Variants in KCNMB2 observed in about 807,000 individuals in gnomAD.
The protein encoded by KCNMB2 is calcium-activated potassium channel subunit beta-2.
KCNMB2 carries 9 observed loss-of-function variants against 24.5 expected under a neutral mutation model. The ratio of observed to expected loss-of-function variants is 0.37; its 90% CI spans 0.22 to 0.64. The LOEUF (loss-of-function observed/expected upper bound fraction) is 0.64. KCNMB2 is among the 30% of genes least tolerant of loss of function. The pLI is 0.63. For synonymous variants in KCNMB2, 109 were observed against 104.4 expected (o/e 1.04, Z -0.27); for missense variants, 226 against 284.3 (o/e 0.79, Z 1.47).
Position 178,814,962 on chromosome 3 carries a change from C to T in KCNMB2, c.56+7497C>T, listed in dbSNP as rs573606062. 5.9e-5 allele frequency among the ~76,000 whole-genome samples: 9 copies of T among 152,144 alleles called. No homozygotes were observed. In the South Asian group the frequency reaches 1.9e-3, roughly 32 times the overall value. On this transcript the variant is annotated intron_variant, in intron 2 of 4. Coordinates refer to ENST00000452583, the MANE Select transcript of KCNMB2 (RefSeq NM_181361.3). ...AATTATTTATTTTGCTGTGCAGAAG[C>T]TCTTTAGTTTAATTAAGTCCCATTT...
chr3:178,703,044 CTTTAAGT>C (rs1722156535), intron 1 of KCNMB2, among the ~76,000 whole-genome samples: 1 of 151,952 alleles, frequency 6.6e-6, no homozygotes, highest in Non-Finnish European at 1.5e-5. Context: ...GCCTTATTCC[CTTTAAGT>C]TTTAAGATAG....
intron 2 of KCNMB2, among the ~76,000 whole-genome samples, chr3:178,814,206 T>G (rs765636431): frequency 3.9e-5 from 6 of 152,190 alleles, no homozygotes; most frequent in Admixed American, 3.3e-4. Context: ...TATGTCCACA[T>G]GTACCCATTG....
chr3:178,653,822 C>A (rs1323573549), intron 1 of KCNMB2, among the ~76,000 whole-genome samples: 2 of 151,656 alleles, frequency 1.3e-5, no homozygotes, highest in Non-Finnish European at 3.0e-5. Context: ...AACATCTGCA[C>A]CAATAACCAT....
intron 1 of KCNMB2, among the ~76,000 whole-genome samples, chr3:178,611,736 C>T (rs932571569): frequency 6.6e-6 from 1 of 151,526 alleles, no homozygotes; most frequent in African/African-American, 2.4e-5. Context: ...AAACAAAAAC[C>T]CTTTTTATTG....
At chr3:178,548,452 G>A (rs919493314) in intron 1 of KCNMB2, among the ~76,000 whole-genome samples, 8 of 152,160 alleles carry the variant, frequency 5.3e-5, no homozygotes, top group East Asian at 1.9e-4. Context: ...TGATGGCCAG[G>A]TGAATTTCTA....
intron 4 of KCNMB2, chr3:178,841,660 TG>T (rs1454322297): frequency 6.6e-6 from 1 of 152,162 alleles, no homozygotes; most frequent in Admixed American, 6.5e-5. Flanking sequence ...AGAGAAGAAC[TG>T]TCAAACAGTT....
chr3:178,545,400 C>T (rs1346094684), intron 1 of KCNMB2, among the ~76,000 whole-genome samples: 1 of 152,126 alleles, frequency 6.6e-6, no homozygotes, highest in African/African-American at 2.4e-5. Context: ...CACTGGAAAG[C>T]TGGTAAAGGT....
chr3:178,807,444 C>T lies in KCNMB2; in HGVS notation c.35C>T (p.Ser12Phe), dbSNP rs762921625. 3.1e-6 allele frequency: 5 copies of T among 1,613,768 alleles called. No individual in the cohort carries two copies. In the East Asian group the frequency reaches 1.1e-4, roughly 36 times the overall value. ...TGGACCAGTGGCCGGACCTCTTCAT[C>T]TTATAGACATGATGAAAAAAGGTAA... ...FIWTSGRTSS[S>F]YRHDEKRNIY... is the part of the protein sequence containing the mutation. Residue 12 changes from serine (S) to phenylalanine (F), a missense_variant, in exon 2 of 5, where the codon TCT becomes TTT. Physicochemically the swap from Ser to Phe is radical, Grantham distance 155 (BLOSUM62 -2). Transcript: ENST00000452583.
intron 1 of KCNMB2, among the ~76,000 whole-genome samples, chr3:178,709,800 T>C (rs907841061): frequency 1.3e-5 from 2 of 152,188 alleles, no homozygotes; most frequent in Non-Finnish European, 1.5e-5. Flanking sequence ...CCAGATTTTA[T>C]TTGTACTGCT....
intron 1 of KCNMB2, among the ~76,000 whole-genome samples, chr3:178,574,632 G>A (rs1477947908): frequency 6.6e-6 from 1 of 152,174 alleles, no homozygotes; most frequent in Non-Finnish European, 1.5e-5. Context: ...CCCTTGAGTC[G>A]AGTGCCCAGC....
chr3:178,686,735 T>A (rs566407028), intron 1 of KCNMB2, among the ~76,000 whole-genome samples: 101 of 152,312 alleles, frequency 6.6e-4, no homozygotes, highest in African/African-American at 2.4e-3. Flanking sequence ...TTACTTCATT[T>A]ACAATTTAAA....
intron 1 of KCNMB2, among the ~76,000 whole-genome samples, chr3:178,739,267 T>C (rs576073997): frequency 2.0e-5 from 3 of 152,188 alleles, no homozygotes; most frequent in Admixed American, 2.0e-4. Flanking sequence ...ACAAAAACAC[T>C]TACCTGCCCG....
At chr3:178,787,213 T>A (rs1408510747) in intron 1 of KCNMB2, among the ~76,000 whole-genome samples, 2 of 152,222 alleles carry the variant, frequency 1.3e-5, no homozygotes, top group Admixed American at 6.5e-5. Flanking sequence ...TCAAATCTAA[T>A]ATATATGTAA....
At chr3:178,587,851 TA>T (rs1354327884) in intron 1 of KCNMB2, among the ~76,000 whole-genome samples, 6 of 151,578 alleles carry the variant, frequency 4.0e-5, no homozygotes, top group Non-Finnish European at 5.9e-5. Context: ...ACTCATCATT[TA>T]ACATTAGGTA....
At chr3:178,611,564 A>G (rs1718484634) in intron 1 of KCNMB2, among the ~76,000 whole-genome samples, 1 of 151,916 alleles carries the variant, frequency 6.6e-6, no homozygotes, top group African/African-American at 2.4e-5. Context: ...TATTAGCTGG[A>G]CGTGGTGGCA....
chr3:178,632,967 T>G (rs928715794), intron 1 of KCNMB2, among the ~76,000 whole-genome samples: 4 of 152,172 alleles, frequency 2.6e-5, no homozygotes, highest in Non-Finnish European at 5.9e-5. Flanking sequence ...CCCATGCAAG[T>G]CCAAAATCCA....
intron 1 of KCNMB2, among the ~76,000 whole-genome samples, chr3:178,786,281 A>G (rs2108436353): frequency 6.6e-6 from 1 of 152,318 alleles, no homozygotes; most frequent in South Asian, 2.1e-4. Context: ...GAATAGGTCC[A>G]GTGAACCATA....
At chr3:178,582,975 A>G (rs1560118331) in intron 1 of KCNMB2, among the ~76,000 whole-genome samples, 1 of 152,338 alleles carries the variant, frequency 6.6e-6, no homozygotes, top group East Asian at 1.9e-4. Context: ...ACAATATTAT[A>G]TGTAAAACTT....
chr3:178,592,490 A>T (rs1378669767), intron 1 of KCNMB2, among the ~76,000 whole-genome samples: 1 of 152,156 alleles, frequency 6.6e-6, no homozygotes, highest in Non-Finnish European at 1.5e-5. Context: ...GGAGGGCTTG[A>T]TACACAAATG....
Sources: gnomAD v4.1 joint callset for allele counts (sites outside exome capture counted in the v4.1 genomes callset) on GRCh38, gnomAD v4.1.1 for gene constraint, MANE v1.5 for transcripts, NCBI Gene and HGNC (gene_info 2026-07-23, HGNC 2026-07-21) for gene names.